Variants in TEAD1 observed in about 807,000 individuals in gnomAD.
The protein encoded by TEAD1 is TEA domain transcription factor 1.
TEAD1 carries 9 observed loss-of-function variants against 54.9 expected under a neutral mutation model. That is an observed-to-expected ratio of 0.16 (90% CI 0.10 to 0.29). The LOEUF (loss-of-function observed/expected upper bound fraction) is 0.29, where lower values mean the gene tolerates loss of function less well. TEAD1 is among the 10% of genes least tolerant of loss of function. The probability of loss-of-function intolerance (pLI) is 1.00; values close to 1 mark genes in which losing one functional copy is unlikely to be tolerated. For synonymous variants in TEAD1, 200 were observed against 187.8 expected, an observed-to-expected ratio of 1.07 and a Z score of -0.53; for missense variants, 387 against 535.9, an observed-to-expected ratio of 0.72 and a Z score of 2.74.
At chr11:12,825,126 A>G (rs947646725) in intron 3 of TEAD1, among the ~76,000 whole-genome samples, 6 of 152,196 alleles carry the variant, frequency 3.9e-5, no homozygotes, top group Non-Finnish European at 5.9e-5. Flanking sequence ...CAAGAAAGAT[A>G]ATAGCTTGGG....
intron 5 of TEAD1, among the ~76,000 whole-genome samples, chr11:12,866,688 C>T (rs1046374859): frequency 2.0e-5 from 3 of 152,190 alleles, no homozygotes; most frequent in Non-Finnish European, 4.4e-5. Flanking sequence ...TAGCAACTGG[C>T]TCAGCATTTA....
intron 3 of TEAD1, among the ~76,000 whole-genome samples, chr11:12,806,070 G>C (rs1471835922): frequency 6.6e-6 from 1 of 152,164 alleles, no homozygotes; most frequent in Non-Finnish European, 1.5e-5. Flanking sequence ...AAGAGTGTCA[G>C]TGGAAGCTCA....
intron 3 of TEAD1, among the ~76,000 whole-genome samples, chr11:12,811,081 G>A (rs567523006): frequency 2.6e-5 from 4 of 152,234 alleles, no homozygotes; most frequent in Non-Finnish European, 5.9e-5. Context: ...GAAGTAGACC[G>A]TGATTGATAT....
chr11:12,699,013 G>A (rs4454698), intron 2 of TEAD1, among the ~76,000 whole-genome samples: 67,797 of 151,948 alleles, frequency 0.45, 16,222 homozygotes, highest in African/African-American at 0.62. Context: ...TGCCTATTCA[G>A]AAATTACTGG....
At chr11:12,824,720 C>T (rs1946616055) in intron 3 of TEAD1, among the ~76,000 whole-genome samples, 1 of 152,282 alleles carries the variant, frequency 6.6e-6, no homozygotes, top group East Asian at 1.9e-4. Flanking sequence ...AGCCCCATTC[C>T]TGCCAGTTCC....
intron 2 of TEAD1, among the ~76,000 whole-genome samples, chr11:12,759,478 T>C (rs150418126): frequency 3.3e-5 from 5 of 152,148 alleles, no homozygotes; most frequent in African/African-American, 1.2e-4. Flanking sequence ...TGGAGTGTGT[T>C]TGGGAAAAAG....
chr11:12,845,989 C>T (rs1947141043), intron 3 of TEAD1, among the ~76,000 whole-genome samples: 1 of 152,188 alleles, frequency 6.6e-6, no homozygotes, highest in South Asian at 2.1e-4. Flanking sequence ...TACAGCTGGC[C>T]CTTTGCTAGC....
At chr11:12,845,262 T>G (rs1947122395) in intron 3 of TEAD1, among the ~76,000 whole-genome samples, 3 of 152,120 alleles carry the variant, frequency 2.0e-5, no homozygotes, top group Non-Finnish European at 4.4e-5. Flanking sequence ...GTGCCGGGCC[T>G]AGAATTTTTA....
chr11:12,798,424 A>G (rs1295439056), intron 3 of TEAD1, among the ~76,000 whole-genome samples: 1 of 152,100 alleles, frequency 6.6e-6, no homozygotes, highest in Non-Finnish European at 1.5e-5. Context: ...CTATTTCCTC[A>G]GTTAGATCAG....
At chr11:12,756,924 A>G (rs1944993731) in intron 2 of TEAD1, among the ~76,000 whole-genome samples, 1 of 152,202 alleles carries the variant, frequency 6.6e-6, no homozygotes, top group Non-Finnish European at 1.5e-5. Flanking sequence ...GTACCAGTTC[A>G]CTTTGGAAGT....
At chr11:12,717,565 A>G (rs1193782490) in intron 2 of TEAD1, among the ~76,000 whole-genome samples, 1 of 152,194 alleles carries the variant, frequency 6.6e-6, no homozygotes, top group African/African-American at 2.4e-5. Flanking sequence ...GTTTGCCTTA[A>G]TACACGATCT....
chr11:12,709,496 TCC>T lies in TEAD1; in HGVS notation c.-55+33936_-55+33937del, dbSNP rs1943889126. On this transcript the variant is annotated intron_variant, in intron 2 of 12. Transcript: ENST00000527636. ...CTCAAATGATTCTCCTGTCTCAACTTCCTGAGTAGCTGATAGTTTCTTTTTCT... is the reference window on the plus strand; with the variant it reads ...CTCAAATGATTCTCCTGTCTCAACTTTGAGTAGCTGATAGTTTCTTTTTCT... Among the ~76,000 whole-genome samples, 6 of 152,092 alleles carry T rather than the reference TCC, an allele frequency of 3.9e-5. No individual in the cohort carries two copies. In the South Asian group the frequency reaches 1.2e-3, roughly 32 times the overall value.
intron 3 of TEAD1, among the ~76,000 whole-genome samples, chr11:12,772,210 C>T (rs532916551): frequency 5.9e-5 from 9 of 152,294 alleles, no homozygotes; most frequent in African/African-American, 2.2e-4. Context: ...GGAACATTAC[C>T]ATGACCAGGT....
intron 9 of TEAD1, among the ~76,000 whole-genome samples, chr11:12,895,203 C>CCT (rs1554947130): frequency 6.6e-6 from 1 of 152,116 alleles, no homozygotes; most frequent in African/African-American, 2.4e-5. Context: ...TTATTAACCC[C>CCT]CCCCGGGTAT....
intron 2 of TEAD1, among the ~76,000 whole-genome samples, chr11:12,720,309 T>A (rs1944165825): frequency 6.6e-6 from 1 of 152,132 alleles, no homozygotes; most frequent in Admixed American, 6.5e-5. Flanking sequence ...TAAGTGTTTT[T>A]ATGTGGACTG....
chr11:12,825,975 A>G (rs943589112), intron 3 of TEAD1, among the ~76,000 whole-genome samples: 6 of 152,242 alleles, frequency 3.9e-5, no homozygotes, highest in Non-Finnish European at 7.3e-5. Flanking sequence ...CACATGCAAA[A>G]AAGGTAAATT....
intron 10 of TEAD1, among the ~76,000 whole-genome samples, chr11:12,913,673 A>G (rs1322694419): frequency 1.3e-5 from 2 of 152,228 alleles, no homozygotes; most frequent in Admixed American, 1.3e-4. Flanking sequence ...TCAAATAAAC[A>G]GTGAATACTT....
chr11:12,753,412 C>G (rs897927873), intron 2 of TEAD1, among the ~76,000 whole-genome samples: 1 of 152,130 alleles, frequency 6.6e-6, no homozygotes, highest in African/African-American at 2.4e-5. Flanking sequence ...CCATTTACTC[C>G]ATCTCCTTGA....
intron 2 of TEAD1, among the ~76,000 whole-genome samples, chr11:12,741,548 A>G (rs1944649014): frequency 1.3e-5 from 2 of 151,940 alleles, no homozygotes; most frequent in African/African-American, 2.4e-5. Context: ...TGAATTTGCC[A>G]TTTTTCTCCC....
Sources: gnomAD v4.1 joint callset for allele counts (sites outside exome capture counted in the v4.1 genomes callset) on GRCh38, gnomAD v4.1.1 for gene constraint, MANE v1.5 for transcripts, NCBI Gene and HGNC (gene_info 2026-07-23, HGNC 2026-07-21) for gene names.